CLDN16: variants seen among roughly 807,000 people sequenced by gnomAD.
CLDN16 encodes claudin 16, also known as claudin-16.
In CLDN16, 13 loss-of-function variants were observed where a neutral mutation model predicts 24.6. That is an observed-to-expected ratio of 0.53 (90% CI 0.34 to 0.84). The LOEUF (loss-of-function observed/expected upper bound fraction) is 0.84. CLDN16 is among the 40% of genes least tolerant of loss of function. CLDN16 has a pLI of 0.01. For missense variants in CLDN16, 298 were observed against 292.7 expected, an observed-to-expected ratio of 1.02 and a Z score of -0.13; for synonymous variants, 116 against 106.7, an observed-to-expected ratio of 1.09 and a Z score of -0.54.
the CLDN16 span, among the ~76,000 whole-genome samples, chr3:190,314,050 A>G: frequency 2.0e-5 from 3 of 152,214 alleles, no homozygotes; most frequent in Non-Finnish European, 2.9e-5. Flanking sequence ...TTTTGCATAT[A>G]TAAGTATTTT....
intron 2 of CLDN16, among the ~76,000 whole-genome samples, chr3:190,403,802 G>T (rs1719021306): frequency 6.6e-6 from 1 of 151,916 alleles, no homozygotes; most frequent in South Asian, 2.1e-4. Context: ...TCCCCTCTCT[G>T]TGCTAACCTA....
the CLDN16 span, chr3:190,306,376 A>C: frequency 5.3e-5 from 8 of 152,230 alleles, no homozygotes; most frequent in East Asian, 1.9e-4. Flanking sequence ...AAGGCAAGAA[A>C]CCCATTTCTT....
chr3:190,394,055 C>T (rs1253674578), intron 1 of CLDN16, among the ~76,000 whole-genome samples: 1 of 151,956 alleles, frequency 6.6e-6, no homozygotes, highest in Non-Finnish European at 1.5e-5. Context: ...GGCTGGCCAC[C>T]CATTTTTATA....
At chr3:190,344,609 T>C (rs3909580) in intron 1 of CLDN16, among the ~76,000 whole-genome samples, 11,685 of 152,018 alleles carry the variant, frequency 0.077, 742 homozygotes, top group African/African-American at 0.17. Context: ...ATACTTTTAG[T>C]CGACACTTTT....
chr3:190,313,251 C>T, the CLDN16 span: 3 of 566,510 alleles, frequency 5.3e-6, no homozygotes, highest in African/African-American at 1.9e-5. Context: ...AAAGAGATCC[C>T]TCCACTCCAA....
the CLDN16 span, among the ~76,000 whole-genome samples, chr3:190,302,363 CT>C: frequency 6.6e-6 from 1 of 152,186 alleles, no homozygotes; most frequent in East Asian, 1.9e-4. Context: ...TAGAATGTAA[CT>C]TCCTGGAAGA....
rs1560100200 is a variant in CLDN16, at chr3:190,409,279, T to TATGTATATATGCACACATGTATATGC, written c.575-599_575-598insCATGTATATATGCACACATGTATATG. ...ATGTATATATGCACACATGTATATG[T>TATGTATATATGCACACATGTATATGC]ATGTATATATGCACACATGTATATG... is the stretch of plus-strand genomic sequence containing the variant. On this transcript the variant is annotated intron_variant, in intron 4 of 4. Coordinates refer to ENST00000264734, the MANE Select transcript of CLDN16 (RefSeq NM_006580.4). Among the ~76,000 whole-genome samples the TATGTATATATGCACACATGTATATGC allele has an allele frequency of 1.9e-4, 15 of 77,360 alleles. No homozygotes were observed. The East Asian group carries it at 5.4e-3, about 28-fold the overall frequency. The allele number at this position is 77,360 out of a possible 152,430, so 50.8% of individuals were successfully genotyped here.
chr3:190,317,061 A>C, the CLDN16 span, among the ~76,000 whole-genome samples: 1 of 152,246 alleles, frequency 6.6e-6, no homozygotes, highest in African/African-American at 2.4e-5. Context: ...AGAGCAGAGA[A>C]GTTAAAAAGG....
chr3:190,291,395 A>C, the CLDN16 span, among the ~76,000 whole-genome samples: 2 of 152,288 alleles, frequency 1.3e-5, no homozygotes, highest in African/African-American at 4.8e-5. Flanking sequence ...AGGCAGTCAC[A>C]TCTTATATGG....
the CLDN16 span, among the ~76,000 whole-genome samples, chr3:190,315,160 G>C: frequency 6.6e-6 from 1 of 152,156 alleles, no homozygotes. Context: ...TTTCAGATGT[G>C]GTCCTAAGAT....
intron 1 of CLDN16, among the ~76,000 whole-genome samples, chr3:190,401,384 C>T (rs886473937): frequency 2.0e-5 from 3 of 152,020 alleles, no homozygotes; most frequent in Admixed American, 1.3e-4. Flanking sequence ...TTTTTATTTT[C>T]CAAGATAATT....
chr3:190,294,837 G>A, the CLDN16 span, among the ~76,000 whole-genome samples: 136 of 152,172 alleles, frequency 8.9e-4, no homozygotes, highest in Admixed American at 1.6e-3. Context: ...TTTTGAAAAT[G>A]TCTTGCAAAC....
intron 1 of CLDN16, among the ~76,000 whole-genome samples, chr3:190,345,519 T>C (rs961446419): frequency 1.1e-4 from 17 of 152,234 alleles, no homozygotes. Context: ...CTCGTGTTTT[T>C]CCAGAGCCTC....
intron 1 of CLDN16, among the ~76,000 whole-genome samples, chr3:190,341,387 C>T (rs1291116492): frequency 1.3e-5 from 2 of 152,192 alleles, no homozygotes; most frequent in African/African-American, 4.8e-5. Flanking sequence ...GGCTCAACAC[C>T]AGGTGGAAGC....
upstream of CLDN16, chr3:190,388,121 TG>T (rs767495204): frequency 6.2e-7 from 1 of 1,613,876 alleles, no homozygotes; most frequent in African/African-American, 1.3e-5. Flanking sequence ...CTTCGGATAA[TG>T]ACCTCCAGGA....
chr3:190,397,646 AG>A (rs1289758818), intron 1 of CLDN16, among the ~76,000 whole-genome samples: 1 of 152,192 alleles, frequency 6.6e-6, no homozygotes, highest in African/African-American at 2.4e-5. Context: ...GGCACCTTTA[AG>A]GGTGTCTCCA....
chr3:190,348,071 G>A (rs1218892896), intron 1 of CLDN16, among the ~76,000 whole-genome samples: 25 of 140,564 alleles, frequency 1.8e-4, no homozygotes, highest in African/African-American at 6.6e-4. Flanking sequence ...GTGAAACCCC[G>A]TCTCTACTGA....
At chr3:190,337,176 G>A (rs1261335872) in intron 1 of CLDN16, among the ~76,000 whole-genome samples, 1 of 152,202 alleles carries the variant, frequency 6.6e-6, no homozygotes, top group African/African-American at 2.4e-5. Context: ...AATACAAACA[G>A]GAGGCAGGAT....
chr3:190,310,822 T>A, the CLDN16 span, among the ~76,000 whole-genome samples: 2 of 152,112 alleles, frequency 1.3e-5, no homozygotes, highest in Non-Finnish European at 2.9e-5. Context: ...TGGCCTGAGA[T>A]TTGTTGAGGG....
Sources: gnomAD v4.1 joint callset for allele counts (sites outside exome capture counted in the v4.1 genomes callset) on GRCh38, gnomAD v4.1.1 for gene constraint, MANE v1.5 for transcripts, NCBI Gene and HGNC (gene_info 2026-07-23, HGNC 2026-07-21) for gene names.